Variants in CEP72 observed in about 807,000 individuals in gnomAD.
CEP72 encodes centrosomal protein of 72 kDa.
A neutral mutation model predicts 65.7 loss-of-function variants in CEP72; 78 were observed. The observed-to-expected ratio is 1.19, with a 90% CI of 0.99 to 1.43. The LOEUF (loss-of-function observed/expected upper bound fraction) is 1.43. CEP72 is among the 40% of genes most tolerant of loss of function. The pLI is 0.00. For missense variants in CEP72, 914 were observed against 832.9 expected (o/e 1.10, Z -1.20); for synonymous variants, 358 against 351.7 (o/e 1.02, Z -0.20).
At chr5:657,964 G>A (rs1466112889), downstream of CEP72, among the ~76,000 whole-genome samples, 2 of 152,214 alleles carry the variant, frequency 1.3e-5, no homozygotes, top group Non-Finnish European at 2.9e-5. Flanking sequence ...GGCTGAGCAG[G>A]CTTTCCATTT....
At position 633,876 on chromosome 5, in the gene CEP72, A is replaced by T; in HGVS notation, c.620A>T (p.Asp207Val). Residue 207 changes from aspartate (D) to valine (V), a missense_variant, in exon 5 of 12, where the codon GAC becomes GTC. Transcript: ENST00000264935. The stretch of plus-strand genomic sequence containing the variant: ...AACCTCATTGCAGAGTGCGAGTGGG[A>T]CCTCGGCAGGCCTCCCGGGAGCACG... ...VLNLIAECEW[D>V]LGRPPGSTSF... is the part of the protein sequence containing the mutation. 2 of 1,613,600 alleles carry T rather than the reference A, an allele frequency of 1.2e-6. No homozygotes were observed. The highest frequency in any genetic ancestry group is 1.7e-6 in the Non-Finnish European group (2 of 1,180,028).
Position 623,192 on chromosome 5 carries a change from C to T in CEP72, c.404-1279C>T, listed in dbSNP as rs1371844970. Among the ~76,000 whole-genome samples, 1 of 152,136 alleles carries T rather than the reference C, an allele frequency of 6.6e-6. No homozygotes were observed. Among genetic ancestry groups the T allele is most frequent in the African/African-American group, 2.4e-5 (1 of 41,424 alleles). On this transcript the variant is annotated intron_variant, in intron 3 of 11. Coordinates refer to ENST00000264935, the MANE Select transcript of CEP72 (RefSeq NM_018140.4). The surrounding 1 kb of genome is among the most constrained non-coding windows in gnomAD (Gnocchi z 5.3). ...TTCTGCAGAGAAGGAGCGCGACCGT[C>T]TCCCCTCTTAGTGTTTCTACAGAGA...
downstream of CEP72, among the ~76,000 whole-genome samples, chr5:670,200 G>A (rs879884955): frequency 4.6e-5 from 7 of 152,168 alleles, no homozygotes; most frequent in South Asian, 2.1e-4. Flanking sequence ...CCTCCGGGGC[G>A]GACGTCACAG....
chr5:615,038 A>G (rs1284644181), intron 1 of CEP72, among the ~76,000 whole-genome samples: 1 of 146,966 alleles, frequency 6.8e-6, no homozygotes, highest in Non-Finnish European at 1.5e-5. Context: ...TTTTTTTTTC[A>G]CTTTGTATGT....
Position 652,844 on chromosome 5 carries a change from G to T in CEP72, c.1779-144G>T. On this transcript the variant is annotated intron_variant, in intron 11 of 11. Transcript: ENST00000264935. ...GGCGGTAGCCAGTGGGACACAGAAG[G>T]TGATGGGGCCACAGAGATAGGTCTG... 11 of 888,216 alleles carry T rather than the reference G, an allele frequency of 1.2e-5. No individual in the cohort carries two copies. In the South Asian group the frequency reaches 2.2e-4, roughly 18 times the overall value. The allele number at this position is 888,216 out of a possible 1,614,324, so 55.0% of individuals were successfully genotyped here.
chr5:653,335 G>A lies in CEP72; in HGVS notation c.*182G>A, dbSNP rs1290344541. ...GGTTTTCTAAAGCACCTCGTAAAATGATATGATTACTCCAAGCCCTCTGCA... is the reference window on the plus strand; with the variant it reads ...GGTTTTCTAAAGCACCTCGTAAAATAATATGATTACTCCAAGCCCTCTGCA... On this transcript the variant is annotated 3_prime_UTR_variant, in exon 12 of 12. Coordinates refer to ENST00000264935, the MANE Select transcript of CEP72 (RefSeq NM_018140.4). 3.7e-6 allele frequency: 2 copies of A among 539,194 alleles called. No individual in the cohort carries two copies. Among genetic ancestry groups the A allele is most frequent in the South Asian group, 3.0e-5 (1 of 33,490 alleles). 33.4% of individuals were successfully genotyped at this position (539,194 alleles called of 1,614,324 possible). A position where few individuals can be genotyped will look rare whatever the true frequency, so the allele number is the denominator to read the frequency against.
intron 11 of CEP72, among the ~76,000 whole-genome samples, chr5:651,366 CTGTGAGTTGTGAA>C (rs1407204933): frequency 6.7e-6 from 1 of 148,468 alleles, no homozygotes; most frequent in Non-Finnish European, 1.5e-5. Context: ...GAGGCATGGA[CTGTGAGTTGTGAA>C]TGTGAGGTGT....
rs1037855754 is a variant in CEP72, at chr5:645,340, C to G, written c.1666+915C>G. On this transcript the variant is annotated intron_variant, in intron 10 of 11. Transcript: ENST00000264935. This position sits in a 1 kb window ranked among gnomAD's most constrained non-coding sequence, Gnocchi z 4.0. ...TCGAGCGGTAAGAGTTCCTTAGAGT[C>G]TTCTTTTTTATTTATAAATTTTGCT... Among the ~76,000 whole-genome samples, 6 of 151,522 alleles carry G rather than the reference C, an allele frequency of 4.0e-5. No individual in the cohort carries two copies.
chr5:669,050 T>C (rs1034637264), downstream of CEP72, among the ~76,000 whole-genome samples: 1 of 152,084 alleles, frequency 6.6e-6, no homozygotes, highest in South Asian at 2.1e-4. Context: ...AAAGAAGAAA[T>C]CGCGCTGAGA....
the CEP72 span, among the ~76,000 whole-genome samples, chr5:672,962 T>G: frequency 6.6e-6 from 1 of 152,232 alleles, no homozygotes; most frequent in Non-Finnish European, 1.5e-5. Flanking sequence ...TACCCCGAGC[T>G]GGCGCCACGC....
chr5:648,287 T>C (rs1166363957), intron 11 of CEP72, among the ~76,000 whole-genome samples: 3 of 128,376 alleles, frequency 2.3e-5, no homozygotes, highest in South Asian at 4.8e-4. Context: ...GACTGTGAGG[T>C]GTGGACTGTG....
At chr5:658,881 G>A (rs1009344960), downstream of CEP72, among the ~76,000 whole-genome samples, 2 of 152,064 alleles carry the variant, frequency 1.3e-5, no homozygotes, top group Non-Finnish European at 2.9e-5. Context: ...TGTTAGCCAG[G>A]ATGGTCTCAA....
At chr5:628,821 GTCCC>G (rs1736988336) in intron 4 of CEP72, among the ~76,000 whole-genome samples, 2 of 111,226 alleles carry the variant, frequency 1.8e-5, no homozygotes, top group African/African-American at 3.1e-5. Context: ...TCAGGTTGCC[GTCCC>G]CAGGGAGTGG....
chr5:624,126 C>T lies in CEP72; in HGVS notation c.404-345C>T, dbSNP rs1736578721. On this transcript the variant is annotated intron_variant, in intron 3 of 11. Coordinates refer to ENST00000264935, the MANE Select transcript of CEP72 (RefSeq NM_018140.4). The surrounding 1 kb of genome is among the most constrained non-coding windows in gnomAD (Gnocchi z 4.7). ...GCAGCCTCTCGGGCCGGGCAGGCTCCCTCCGTGGAGGCTTCTCTGGGTTAC... is the reference window on the plus strand; with the variant it reads ...GCAGCCTCTCGGGCCGGGCAGGCTCTCTCCGTGGAGGCTTCTCTGGGTTAC... 6.6e-6 allele frequency among the ~76,000 whole-genome samples: 1 copy of T among 152,186 alleles called. No homozygotes were observed. Among genetic ancestry groups the T allele is most frequent in the African/African-American group, 2.4e-5 (1 of 41,448 alleles).
chr5:670,094 G>C (rs1482084179), downstream of CEP72, among the ~76,000 whole-genome samples: 1 of 152,120 alleles, frequency 6.6e-6, no homozygotes, highest in African/African-American at 2.4e-5. Flanking sequence ...CTGGCCTCTG[G>C]GCCTGGTTCA....
chr5:619,976 T>C, intron 2 of CEP72, 93 bp from the exon 3 acceptor site: 1 of 948,168 alleles, frequency 1.1e-6, no homozygotes, highest in African/African-American at 1.6e-5. Context: ...AATAAGTTTA[T>C]ACAGTTGGTT....
At chr5:633,319 G>A (rs182406123) in intron 4 of CEP72, among the ~76,000 whole-genome samples, 1 of 121,878 alleles carries the variant, frequency 8.2e-6, no homozygotes, top group African/African-American at 3.0e-5. Context: ...CCGGGATTTG[G>A]CCCAGTCCTG....
At chr5:673,624 G>A in the CEP72 span, among the ~76,000 whole-genome samples, 9 of 152,298 alleles carry the variant, frequency 5.9e-5, no homozygotes, top group East Asian at 1.9e-4. Flanking sequence ...TCAACCCCTC[G>A]CTGGGCTTGG....
At chr5:672,619 G>C in the CEP72 span, among the ~76,000 whole-genome samples, 1 of 152,226 alleles carries the variant, frequency 6.6e-6, no homozygotes, top group South Asian at 2.1e-4. Context: ...GGAGGCAGCA[G>C]CTGAGCCTGA....
Sources: gnomAD v4.1 joint callset for allele counts (sites outside exome capture counted in the v4.1 genomes callset) on GRCh38, gnomAD v4.1.1 for gene constraint, Gnocchi (gnomAD v3.1) non-coding constraint, MANE v1.5 for transcripts, NCBI Gene and HGNC (gene_info 2026-07-23, HGNC 2026-07-21) for gene names.